Variants in NWD1 observed in about 807,000 individuals in gnomAD.
The protein encoded by NWD1 is NACHT and WD repeat domain containing 1, also known as NACHT domain- and WD repeat-containing protein 1.
In NWD1, 129 loss-of-function variants were observed where a neutral mutation model predicts 135.1. The observed-to-expected ratio is 0.96, with a 90% CI of 0.83 to 1.11. The LOEUF (loss-of-function observed/expected upper bound fraction) is 1.11. Among genes scored for constraint, NWD1 ranks in the 50% least tolerant of loss-of-function variants. NWD1 has a pLI of 0.00. For missense variants in NWD1, 1,740 were observed against 1,851.3 expected (o/e 0.94, Z 1.10); for synonymous variants, 773 against 786.0 (o/e 0.98, Z 0.28).
chr19:16,753,425 T>C (rs1968655796), intron 6 of NWD1, among the ~76,000 whole-genome samples: 1 of 152,198 alleles, frequency 6.6e-6, no homozygotes, highest in African/African-American at 2.4e-5. Flanking sequence ...ATGATTTTGG[T>C]TGCTCCAGTT....
chr19:16,805,428 A>G (rs952676593), intron 17 of NWD1, among the ~76,000 whole-genome samples: 1 of 152,076 alleles, frequency 6.6e-6, no homozygotes, highest in Non-Finnish European at 1.5e-5. Context: ...TCCTGGGCTC[A>G]AGCAATCTGC....
intron 10 of NWD1, 98 bp from the exon 11 acceptor site, chr19:16,773,028 T>C: frequency 1.0e-6 from 1 of 1,004,142 alleles, no homozygotes; most frequent in South Asian, 1.3e-5. Context: ...TTGTGTCTTC[T>C]TTTGTTCTGG....
At chr19:16,800,390 C>T (rs573626281) in intron 17 of NWD1, among the ~76,000 whole-genome samples, 2 of 151,904 alleles carry the variant, frequency 1.3e-5, no homozygotes, top group South Asian at 2.1e-4. Context: ...AAAAGTTAGC[C>T]GGGCATGGTG....
intron 4 of NWD1, among the ~76,000 whole-genome samples, chr19:16,743,365 C>T (rs1968165700): frequency 6.6e-6 from 1 of 152,116 alleles, no homozygotes; most frequent in Non-Finnish European, 1.5e-5. Flanking sequence ...TGCACACCCC[C>T]ACACCCTGAT....
chr19:16,727,726 G>T (rs1397326588), intron 2 of NWD1: 2 of 153,320 alleles, frequency 1.3e-5, no homozygotes, highest in Non-Finnish European at 2.9e-5. Flanking sequence ...ACGCTCAGGC[G>T]GTGTCAGGGC....
chr19:16,779,223 C>T, intron 11 of NWD1, 120 bp from the exon 12 acceptor site: 2 of 1,177,812 alleles, frequency 1.7e-6, no homozygotes, highest in South Asian at 1.3e-5. Context: ...GGCAAGGGAC[C>T]AAATCTCTCT....
intron 2 of NWD1, among the ~76,000 whole-genome samples, chr19:16,726,669 C>T (rs1254295971): frequency 6.6e-6 from 1 of 152,108 alleles, no homozygotes; most frequent in Non-Finnish European, 1.5e-5. Flanking sequence ...GAACTCCTAA[C>T]CTCAAGTGAT....
intron 11 of NWD1, among the ~76,000 whole-genome samples, chr19:16,773,716 G>A (rs1163301845): frequency 2.0e-5 from 3 of 152,090 alleles, no homozygotes; most frequent in Non-Finnish European, 4.4e-5. Context: ...AGAATGTAAG[G>A]GAGAGGAGAG....
rs1967247201 is a variant in NWD1 at position 16,724,386 on chromosome 19, G to C, written c.-84G>C. The C allele has an allele frequency of 6.6e-6, 1 of 152,208 alleles. No homozygotes were observed. Among genetic ancestry groups the C allele is most frequent in the Non-Finnish European group, 1.5e-5 (1 of 68,060 alleles). 9.4% of individuals were successfully genotyped at this position (152,208 alleles called of 1,614,324 possible). A position where few individuals can be genotyped will look rare whatever the true frequency, so the allele number is the denominator to read the frequency against. On this transcript the variant is annotated 5_prime_UTR_variant, in exon 2 of 19. Coordinates refer to ENST00000524140, the MANE Select transcript of NWD1 (RefSeq NM_001007525.5). Reference sequence around the variant, plus strand: ...CACAGACCATGCGGCCGATGCCCTGGGAGGGAGACCACTTGCTTAAGTCCT... The same window carrying C: ...CACAGACCATGCGGCCGATGCCCTGCGAGGGAGACCACTTGCTTAAGTCCT...
rs770074174 is a variant in NWD1 at position 16,791,501 on chromosome 19, C to T, written c.3092C>T (p.Thr1031Met). The T allele has an allele frequency of 2.4e-5, 39 of 1,613,970 alleles. 1 individual carries two copies. The highest frequency in any genetic ancestry group is 1.5e-4 in the South Asian group (14 of 91,088). The part of the protein sequence containing the change: ...DGVVSLWSSA[T>M]GKLQGKQHMS... ...GTGGTCAGTCTGTGGAGCTCAGCTA[C>T]GGGAAAACTTCAGGGGAAGCAACAT... Residue 1031 changes from threonine (T) to methionine (M), a missense_variant, in exon 14 of 19, where the codon ACG becomes ATG. Physicochemically the swap from Thr to Met is moderately conservative, Grantham distance 81. Coordinates refer to ENST00000524140, the MANE Select transcript of NWD1 (RefSeq NM_001007525.5).
intron 2 of NWD1, among the ~76,000 whole-genome samples, chr19:16,730,083 G>A (rs891772737): frequency 6.6e-6 from 1 of 151,884 alleles, no homozygotes; most frequent in Non-Finnish European, 1.5e-5. Flanking sequence ...CAGCACTTTG[G>A]GAGGCCGAGG....
In NWD1 at chr19:16,763,944, G is replaced by A; in HGVS notation, c.2250G>A (p.Leu750=). Residue 750 remains leucine, a splice_region_variant and synonymous_variant, in exon 9 of 19, where the codon CTG becomes CTA. Transcript: ENST00000524140. ...TGGAGGAGCTGAAACAGGAGGTTCT[G>A]GGTAAGGGCTGCCCCCCATCTCAGA... ...GRLEELKQEV[L]GSMSWISCRG... The A allele has an allele frequency of 1.9e-6, 3 of 1,589,324 alleles. No homozygotes were observed. In the East Asian group the frequency reaches 6.7e-5, roughly 36 times the overall value.
At position 16,733,869 on chromosome 19, in the gene NWD1, C is replaced by T. The variant is rs77648787; in HGVS notation, c.81+2591C>T. ...TGACCCCTTTTCCTTTCCTGCTCCT[C>T]TAACTCATTGTTCCTCCCCCTTTCT... On this transcript the variant is annotated intron_variant, in intron 3 of 18. Coordinates refer to ENST00000524140, the MANE Select transcript of NWD1 (RefSeq NM_001007525.5). 9.5e-3 allele frequency among the ~76,000 whole-genome samples: 1,449 copies of T among 152,190 alleles called. 13 individuals are homozygous for T. The highest frequency in any genetic ancestry group is 0.014 in the Middle Eastern group (4 of 294).
At chr19:16,741,256 G>A (rs1364159496) in intron 4 of NWD1, among the ~76,000 whole-genome samples, 1 of 152,106 alleles carries the variant, frequency 6.6e-6, no homozygotes, top group Non-Finnish European at 1.5e-5. Flanking sequence ...CAGCAGCCAT[G>A]CTTCTTCCTG....
chr19:16,800,447 T>C (rs971412736), intron 17 of NWD1, among the ~76,000 whole-genome samples: 4 of 152,128 alleles, frequency 2.6e-5, no homozygotes, highest in African/African-American at 9.7e-5. Flanking sequence ...GGCAGAATTG[T>C]TTGAACCTGG....
intron 10 of NWD1, among the ~76,000 whole-genome samples, chr19:16,767,328 C>T (rs560214388): frequency 1.3e-5 from 2 of 151,922 alleles, no homozygotes; most frequent in South Asian, 4.2e-4. Context: ...ATAAAACCAT[C>T]GGACGGCCAG....
intron 1 of NWD1, among the ~76,000 whole-genome samples, chr19:16,722,348 G>A (rs924535195): frequency 6.6e-6 from 1 of 151,078 alleles, no homozygotes; most frequent in Non-Finnish European, 1.5e-5. Context: ...GAGTGCAATG[G>A]TGCGATCTCA....
intron 12 of NWD1, 87 bp from the exon 13 acceptor site, chr19:16,788,895 G>C: frequency 1.2e-6 from 1 of 858,666 alleles, no homozygotes; most frequent in Non-Finnish European, 2.0e-6. Flanking sequence ...GTAAATGAGG[G>C]TATTTCCAAG....
chr19:16,786,466 G>A (rs1410619843), intron 12 of NWD1, among the ~76,000 whole-genome samples: 1 of 152,070 alleles, frequency 6.6e-6, no homozygotes, highest in African/African-American at 2.4e-5. Flanking sequence ...GTACCCAAGA[G>A]GAATTTTGTT....
Sources: allele counts gnomAD v4.1 joint callset (sites outside exome capture counted in the v4.1 genomes callset), GRCh38; gene constraint gnomAD v4.1.1; transcripts MANE v1.5; gene names NCBI Gene and HGNC (gene_info 2026-07-23, HGNC 2026-07-21).